Variants in TIPIN observed in about 807,000 individuals in gnomAD.
The protein encoded by TIPIN is TIMELESS-interacting protein.
In TIPIN, 29 loss-of-function variants were observed where a neutral mutation model predicts 35.6. The observed-to-expected ratio is 0.82, with a 90% CI of 0.61 to 1.11. The LOEUF (loss-of-function observed/expected upper bound fraction) is 1.11. Among genes scored for constraint, TIPIN ranks in the 50% most tolerant of loss-of-function variants. The pLI, the probability that TIPIN is intolerant of heterozygous loss-of-function variation, is 0.00. For synonymous variants in TIPIN, 102 were observed against 121.5 expected, an observed-to-expected ratio of 0.84 and a Z score of 1.06; for missense variants, 296 against 345.4, an observed-to-expected ratio of 0.86 and a Z score of 1.13.
intron 1 of TIPIN, among the ~76,000 whole-genome samples, chr15:66,385,477 G>A (rs1181785044): frequency 6.6e-6 from 1 of 152,014 alleles, no homozygotes; most frequent in African/African-American, 2.4e-5. Context: ...CACAGAATTG[G>A]AATTTTTGGA....
intron 1 of TIPIN, among the ~76,000 whole-genome samples, chr15:66,362,134 T>A (rs2093234363): frequency 6.6e-6 from 1 of 151,700 alleles, no homozygotes; most frequent in African/African-American, 2.4e-5. Flanking sequence ...TGAAACCCTG[T>A]CTCTACTAAA....
At chr15:66,345,004 G>A (rs939739484) in intron 6 of TIPIN, among the ~76,000 whole-genome samples, 1 of 152,168 alleles carries the variant, frequency 6.6e-6, no homozygotes, top group Admixed American at 6.5e-5. Flanking sequence ...ACAGGATGCC[G>A]TCATTGTAGT....
Position 66,341,182 on chromosome 15 carries a change from T to A in TIPIN, c.650A>T (p.Lys217Met). ...KQLALERRQA[K>M]LLSNSQTLGN... is the part of the protein sequence containing the mutation. ...TAGGGTCTGACTATTACTCAGCAGC[T>A]TTGCCTGCCTTCTTTCCAAGGCCAG... The change falls in exon 7 of 8, where the codon AAG becomes ATG. Residue 217 changes from lysine to methionine, a missense_variant. Lys to Met is a moderately conservative substitution (Grantham distance 95). Coordinates refer to ENST00000261881, the MANE Select transcript of TIPIN (RefSeq NM_017858.3). 6.2e-7 allele frequency: 1 copy of A among 1,612,150 alleles called. No homozygotes were observed. The highest frequency in any genetic ancestry group is 8.5e-7 in the Non-Finnish European group (1 of 1,179,954).
At chr15:66,355,745 C>T (rs532626300) in intron 1 of TIPIN, among the ~76,000 whole-genome samples, 2 of 152,128 alleles carry the variant, frequency 1.3e-5, no homozygotes, top group Non-Finnish European at 2.9e-5. Flanking sequence ...AGCGAGACTC[C>T]GTTTCAAAAC....
chr15:66,382,807 AAT>A (rs767749122), intron 1 of TIPIN: 16 of 431,068 alleles, frequency 3.7e-5, no homozygotes, highest in Non-Finnish European at 4.3e-5. Context: ...GGTTCAACCA[AAT>A]ATATATGTTA....
chr15:66,379,550 G>C, intron 1 of TIPIN: 1 of 1,611,020 alleles, frequency 6.2e-7, no homozygotes, highest in Non-Finnish European at 8.5e-7. Context: ...CCCTGCGGAT[G>C]TATTTTTCAC....
chr15:66,356,878 C>G (rs1265473728), upstream of TIPIN, among the ~76,000 whole-genome samples: 1 of 152,144 alleles, frequency 6.6e-6, no homozygotes, highest in Non-Finnish European at 1.5e-5. Flanking sequence ...GTTAAGCCTC[C>G]TTATTTGCAT....
Position 66,336,946 on chromosome 15 carries a change from C to T in TIPIN, c.*12G>A. On this transcript the variant is annotated 3_prime_UTR_variant, in exon 8 of 8. Transcript: ENST00000261881. Reference sequence around the variant, plus strand: ...CGATGACTTAACAGATACATTTTCTCTTAATGGAAACTTATCTAGCTTCAG... The same window carrying T: ...CGATGACTTAACAGATACATTTTCTTTTAATGGAAACTTATCTAGCTTCAG... The T allele has an allele frequency of 6.2e-7, 1 of 1,604,594 alleles. No individual in the cohort carries two copies. The highest frequency in any genetic ancestry group is 2.2e-5 in the East Asian group (1 of 44,668).
chr15:66,341,002 C>T (rs2093082606), intron 7 of TIPIN, 148 bp downstream of exon 7: 1 of 682,828 alleles, frequency 1.5e-6, no homozygotes, highest in South Asian at 1.9e-5. Flanking sequence ...CTCTCTCACA[C>T]ACACTGTCTC....
chr15:66,342,186 C>CAAAAAAAAAAAAAAAAA (rs55711983), intron 6 of TIPIN, among the ~76,000 whole-genome samples: 14 of 108,510 alleles, frequency 1.3e-4, no homozygotes, highest in African/African-American at 1.5e-4. Flanking sequence ...AAGACTGTCT[C>CAAAAAAAAAAAAAAAAA]AAAAAAAAAA....
upstream of TIPIN, chr15:66,356,752 T>A: frequency 1.0e-6 from 1 of 984,968 alleles, no homozygotes; most frequent in South Asian, 4.7e-5. Flanking sequence ...TGGCGCCAAA[T>A]CCGTGCGGGG....
rs548775337 is a variant in TIPIN, at chr15:66,363,369, C to G, written c.-8-10414G>C. Among the ~76,000 whole-genome samples the G allele has an allele frequency of 2.3e-3, 350 of 150,904 alleles. 1 individual carries two copies. Among genetic ancestry groups the G allele is most frequent in the African/African-American group, 7.7e-3 (315 of 40,966 alleles). On this transcript the variant is annotated intron_variant, in intron 1 of 7. Transcript: ENST00000562124. ...CTAAAAATACAAAAATTAGGCCGGG[C>G]ACGGTGGCTCACATCTATGATCCCA...
intron 7 of TIPIN, among the ~76,000 whole-genome samples, chr15:66,338,269 A>G (rs7182613): frequency 0.062 from 9,458 of 152,100 alleles, 962 homozygotes; most frequent in African/African-American, 0.22. Flanking sequence ...AACAAAACTG[A>G]AAACTACTAG....
intron 6 of TIPIN, among the ~76,000 whole-genome samples, chr15:66,345,617 G>A (rs1035203910): frequency 6.6e-5 from 10 of 152,086 alleles, no homozygotes; most frequent in East Asian, 3.9e-4. Flanking sequence ...GGGAGGCTGA[G>A]GCAGGAGAAT....
chr15:66,351,613 GTATGTT>G lies in TIPIN; in HGVS notation c.213-19_213-14del. ...CTCTGAAATTAATCTGTGAATAAAA[GTATGTT>G]TTTAATTTCAAGTTTTATTTTCTTT... On this transcript the variant is annotated splice_polypyrimidine_tract_variant and intron_variant, in intron 3 of 7. Coordinates refer to ENST00000261881, the MANE Select transcript of TIPIN (RefSeq NM_017858.3). The G allele has an allele frequency of 6.5e-7, 1 of 1,531,210 alleles. No individual in the cohort carries two copies. The highest frequency in any genetic ancestry group is 8.9e-7 in the Non-Finnish European group (1 of 1,120,512). 94.9% of individuals were successfully genotyped at this position (1,531,210 alleles called of 1,614,324 possible).
chr15:66,382,748 T>G (rs770726356), intron 1 of TIPIN: 10 of 173,242 alleles, frequency 5.8e-5, no homozygotes, highest in Non-Finnish European at 1.1e-4. Context: ...TGAACCAGTA[T>G]TTGCCAATAT....
At chr15:66,382,839 T>A (rs920129291) in intron 1 of TIPIN, 1 of 548,690 alleles carries the variant, frequency 1.8e-6, no homozygotes, top group African/African-American at 2.1e-5. Flanking sequence ...TTATTATACA[T>A]CACTGATTCA....
upstream of TIPIN, among the ~76,000 whole-genome samples, chr15:66,359,246 ATG>A (rs1445080693): frequency 1.3e-5 from 2 of 152,006 alleles, no homozygotes; most frequent in African/African-American, 4.8e-5. Context: ...ATGTGTGCAC[ATG>A]TATCTATGTG....
intron 1 of TIPIN, among the ~76,000 whole-genome samples, chr15:66,381,165 G>A (rs1467449126): frequency 6.6e-6 from 1 of 152,104 alleles, no homozygotes; most frequent in Admixed American, 6.6e-5. Context: ...GCCGGGCACG[G>A]TGGCTCACAC....
Sources: gnomAD v4.1 joint callset for allele counts (sites outside exome capture counted in the v4.1 genomes callset) on GRCh38, gnomAD v4.1.1 for gene constraint, MANE v1.5 for transcripts, NCBI Gene and HGNC (gene_info 2026-07-23, HGNC 2026-07-21) for gene names.